The following ZNF92 variants were observed in gnomAD, a reference collection of about 807,000 sequenced individuals.
ZNF92 encodes the protein zinc finger protein 92, also known as epididymis luminal protein 203.
In ZNF92, 11 loss-of-function variants were observed where a neutral mutation model predicts 12.4. The observed-to-expected ratio is 0.89, with a 90% CI of 0.56 to 1.47. The LOEUF (loss-of-function observed/expected upper bound fraction) is 1.47. Ranked by LOEUF, ZNF92 falls within the 40% of genes most tolerant of loss-of-function variation. ZNF92 has a pLI of 0.00. For synonymous variants in ZNF92, 206 were observed against 228.6 expected, an observed-to-expected ratio of 0.90 and a Z score of 0.89; for missense variants, 622 against 681.0, an observed-to-expected ratio of 0.91 and a Z score of 0.96.
rs778102628 is a variant in ZNF92 at position 65,388,822 on chromosome 7, G to A, written c.147G>A (p.Lys49=). ...NLVFLGIAVS[K]PDLITWLEQG... ...ATAAAACAGGTATTGCTGTCTCTAAGCCAGACCTGATCACCTGGCTGGAGC... is the reference window on the plus strand; with the variant it reads ...ATAAAACAGGTATTGCTGTCTCTAAACCAGACCTGATCACCTGGCTGGAGC... Residue 49 remains lysine, a synonymous_variant, in exon 3 of 4, where the codon AAG becomes AAA. Transcript: ENST00000328747. 2.1e-5 allele frequency: 34 copies of A among 1,581,748 alleles called. No individual in the cohort carries two copies. In the Admixed American group the frequency reaches 3.6e-4, roughly 17 times the overall value.
chr7:65,382,456 G>A (rs1040782241), intron 1 of ZNF92, among the ~76,000 whole-genome samples: 3 of 152,012 alleles, frequency 2.0e-5, no homozygotes, highest in Admixed American at 2.0e-4. Context: ...GTCAACTCAT[G>A]ATTGTGCTGC....
chr7:65,374,779 C>T (rs1439699618), intron 1 of ZNF92, among the ~76,000 whole-genome samples: 3 of 151,914 alleles, frequency 2.0e-5, no homozygotes, highest in South Asian at 4.2e-4. Context: ...AATTGCCTGC[C>T]ACTTAATTAT....
chr7:65,387,405 C>G (rs554381667), intron 1 of ZNF92, among the ~76,000 whole-genome samples: 1 of 152,172 alleles, frequency 6.6e-6, no homozygotes, highest in South Asian at 2.1e-4. Context: ...ACACTCCTCC[C>G]CCTTACTGGA....
chr7:65,382,854 T>A (rs1488438976), intron 1 of ZNF92, among the ~76,000 whole-genome samples: 1 of 152,090 alleles, frequency 6.6e-6, no homozygotes, highest in African/African-American at 2.4e-5. Context: ...GAAATGCAAA[T>A]CCTTTTAGTT....
chr7:65,390,789 A>C (rs999225050), intron 3 of ZNF92, among the ~76,000 whole-genome samples: 1 of 152,124 alleles, frequency 6.6e-6, no homozygotes, highest in East Asian at 1.9e-4. Context: ...GAGAGTTGGA[A>C]CTGAGTCATT....
chr7:65,384,009 C>T (rs571570454), intron 1 of ZNF92, among the ~76,000 whole-genome samples: 1 of 152,074 alleles, frequency 6.6e-6, no homozygotes, highest in African/African-American at 2.4e-5. Context: ...TTCATTTGGG[C>T]CGCTTCTTTA....
At position 65,400,089 on chromosome 7, in the gene ZNF92, A is replaced by G. The variant is rs565757118; in HGVS notation, c.*214A>G. 3.0e-5 allele frequency: 13 copies of G among 426,470 alleles called. No individual in the cohort carries two copies. In the South Asian group the frequency reaches 5.8e-4, roughly 19 times the overall value. The allele number at this position is 426,470 out of a possible 1,614,324, so 26.4% of individuals were successfully genotyped here. On this transcript the variant is annotated 3_prime_UTR_variant, in exon 4 of 4. Transcript: ENST00000328747. ...CACCTTATTGCACAGGAAAGCATTT[A>G]TACTTGAGAAAAATTGTATAAAGAA...
At position 65,399,605 on chromosome 7, in the gene ZNF92, T is replaced by A. The variant is rs1793956013; in HGVS notation, c.1491T>A (p.Thr497=). ...CCTTTAACCAGTCCTCAATTTTTACTAAACATAAGATAATTCACACTGAAG... is the reference window on the plus strand; with the variant it reads ...CCTTTAACCAGTCCTCAATTTTTACAAAACATAAGATAATTCACACTGAAG... ...GKAFNQSSIF[T]KHKIIHTEGK... Residue 497 remains threonine (T), a synonymous_variant, in exon 4 of 4, where the codon ACT becomes ACA. Transcript: ENST00000328747. The A allele has an allele frequency of 6.2e-7, 1 of 1,613,660 alleles. No individual in the cohort carries two copies.
intron 1 of ZNF92, among the ~76,000 whole-genome samples, chr7:65,375,805 G>A (rs1163368316): frequency 6.6e-6 from 1 of 151,818 alleles, no homozygotes; most frequent in Non-Finnish European, 1.5e-5. Flanking sequence ...CCAAGATCAT[G>A]CCACTGCACT....
chr7:65,397,180 G>T (rs115023258), intron 3 of ZNF92, among the ~76,000 whole-genome samples: 1 of 151,818 alleles, frequency 6.6e-6, no homozygotes, highest in Non-Finnish European at 1.5e-5. Context: ...TGGTTATCTC[G>T]TAAGAGTATG....
rs1384249067 is a variant in ZNF92, at chr7:65,388,002, A to G, written c.104A>G (p.Glu35Gly). 6.2e-7 allele frequency: 1 copy of G among 1,608,086 alleles called. No individual in the cohort carries two copies. Among genetic ancestry groups the G allele is most frequent in the Admixed American group, 1.7e-5 (1 of 59,248 alleles). ...QRNLYRDVML[E>G]NYRNLVFLGI... ...AATTTATATAGAGATGTGATGTTAG[A>G]GAACTACAGAAACCTGGTCTTCCTT... Residue 35 changes from glutamate to glycine, a missense_variant, in exon 2 of 4, where the codon GAG becomes GGG. Glu to Gly is a moderately conservative substitution (Grantham distance 98, BLOSUM62 -2). Transcript: ENST00000328747.
chr7:65,386,046 A>C (rs1263103949), intron 1 of ZNF92, among the ~76,000 whole-genome samples: 1 of 151,884 alleles, frequency 6.6e-6, no homozygotes, highest in Non-Finnish European at 1.5e-5. Flanking sequence ...TTGAGAAGGA[A>C]TCTCACTCTG....
In ZNF92 at chr7:65,387,602, A is replaced by G. The variant is rs147542666; in HGVS notation, c.4-300A>G. 3.9e-5 allele frequency among the ~76,000 whole-genome samples: 6 copies of G among 152,252 alleles called. 1 individual carries two copies. The highest frequency in any genetic ancestry group is 9.6e-5 in the African/African-American group (4 of 41,554). ...ACTCCATGTCTTTTCCATCTGAAAC[A>G]TATACACTCAGAAATGTACGTTTGT... On this transcript the variant is annotated intron_variant, in intron 1 of 3. Transcript: ENST00000328747.
At position 65,399,889 on chromosome 7, in the gene ZNF92, G is replaced by T; in HGVS notation, c.*14G>T. ...CTACAAACCTGAAAGATGTGACAAT[G>T]ATTTTCACTACACCTCAAACTTTTC... On this transcript the variant is annotated 3_prime_UTR_variant, in exon 4 of 4. Coordinates refer to ENST00000328747, the MANE Select transcript of ZNF92 (RefSeq NM_152626.4). 6.5e-7 allele frequency: 1 copy of T among 1,540,218 alleles called. No homozygotes were observed. The highest frequency in any genetic ancestry group is 1.3e-5 in the South Asian group (1 of 77,380).
In ZNF92 at chr7:65,398,895, G is replaced by T; in HGVS notation, c.781G>T (p.Glu261Ter). The change falls in exon 4 of 4, where the codon GAA becomes TAA. Residue 261 changes from glutamate (E) to a stop codon, truncating the protein, a stop_gained. Coordinates refer to ENST00000328747, the MANE Select transcript of ZNF92 (RefSeq NM_152626.4). LOFTEE classifies it low-confidence loss of function (END_TRUNC). ...TGGAGAGAAACCCTACAAATGTGAA[G>T]AATGTGGCAAAGCTTTTAACCGGTC... ...HTGEKPYKCEECGKAFNRSST... is the reference protein window; with the variant it reads ...HTGEKPYKCE 1 of 1,613,094 alleles carries T rather than the reference G, an allele frequency of 6.2e-7. No homozygotes were observed. The highest frequency in any genetic ancestry group is 8.5e-7 in the Non-Finnish European group (1 of 1,179,754).
chr7:65,396,286 T>C (rs1036474928), intron 3 of ZNF92, among the ~76,000 whole-genome samples: 9 of 152,110 alleles, frequency 5.9e-5, no homozygotes, highest in Admixed American at 2.6e-4. Context: ...GTTTTTTAGA[T>C]ATGTTTTTTC....
Position 65,373,919 on chromosome 7 carries a change from G to C in ZNF92, c.-79G>C. ...TGCTCTGCGTCCTGTGCTGATAAAG[G>C]CTCGCCGCTGTGACCCTGTTACCTG... On this transcript the variant is annotated 5_prime_UTR_variant, in exon 1 of 4. Coordinates refer to ENST00000328747, the MANE Select transcript of ZNF92 (RefSeq NM_152626.4). 1 of 1,600,326 alleles carries C rather than the reference G, an allele frequency of 6.2e-7. No individual in the cohort carries two copies. The highest frequency in any genetic ancestry group is 8.6e-7 in the Non-Finnish European group (1 of 1,167,610).
intron 1 of ZNF92, among the ~76,000 whole-genome samples, chr7:65,387,309 T>C (rs183734421): frequency 4.6e-4 from 69 of 150,288 alleles, no homozygotes; most frequent in Admixed American, 3.5e-3. Flanking sequence ...GCTGCCCTTC[T>C]TTATTAGGTT....
At chr7:65,392,588 G>A (rs1236279015) in intron 3 of ZNF92, among the ~76,000 whole-genome samples, 1 of 150,418 alleles carries the variant, frequency 6.6e-6, no homozygotes, top group Non-Finnish European at 1.5e-5. Flanking sequence ...CCAGGCTGGA[G>A]TACAATGGTG....
Sources: gnomAD v4.1 joint callset for allele counts (sites outside exome capture counted in the v4.1 genomes callset) on GRCh38, gnomAD v4.1.1 for gene constraint, MANE v1.5 for transcripts, NCBI Gene and HGNC (gene_info 2026-07-23, HGNC 2026-07-21) for gene names.